Variants in CCDC178 observed in about 807,000 individuals in gnomAD.
CCDC178 encodes the protein coiled-coil domain-containing protein 178.
Under a neutral mutation model 117.4 loss-of-function variants are expected in CCDC178, and 126 were observed. The observed-to-expected ratio is 1.07, with a 90% CI of 0.93 to 1.24. The LOEUF (loss-of-function observed/expected upper bound fraction) is 1.24. CCDC178 is among the 50% of genes most tolerant of loss of function. CCDC178 has a pLI of 0.00. For synonymous variants in CCDC178, 283 were observed against 313.4 expected, an observed-to-expected ratio of 0.90 and a Z score of 1.02; for missense variants, 1,030 against 986.9, an observed-to-expected ratio of 1.04 and a Z score of -0.59.
At chr18:33,096,118 C>A (rs972041655) in intron 20 of CCDC178, among the ~76,000 whole-genome samples, 1 of 149,780 alleles carries the variant, frequency 6.7e-6, no homozygotes, top group East Asian at 2.0e-4. Flanking sequence ...TACTCCCCAC[C>A]CCCCCCACTT....
chr18:33,414,638 T>G (rs1053132652), intron 2 of CCDC178, among the ~76,000 whole-genome samples: 3 of 152,116 alleles, frequency 2.0e-5, no homozygotes, highest in East Asian at 1.9e-4. Context: ...ACATAGGCAT[T>G]GGCAAGGACT....
intron 21 of CCDC178, among the ~76,000 whole-genome samples, chr18:33,057,580 C>T (rs889484509): frequency 1.3e-5 from 2 of 152,140 alleles, no homozygotes; most frequent in Non-Finnish European, 2.9e-5. Flanking sequence ...CAACCTCTGC[C>T]TCCTGGGTTC....
chr18:33,151,712 A>AT (rs1422573562), intron 20 of CCDC178, among the ~76,000 whole-genome samples: 2 of 152,188 alleles, frequency 1.3e-5, no homozygotes, highest in African/African-American at 4.8e-5. Flanking sequence ...TCAAATCGGG[A>AT]TAATAATATT....
intron 21 of CCDC178, among the ~76,000 whole-genome samples, chr18:33,039,204 T>A (rs2056501447): frequency 6.6e-6 from 1 of 152,026 alleles, no homozygotes; most frequent in African/African-American, 2.4e-5. Context: ...GAGGTGATAT[T>A]GAGAAATATT....
At chr18:33,179,995 A>G (rs562486799) in intron 20 of CCDC178, among the ~76,000 whole-genome samples, 23 of 152,070 alleles carry the variant, frequency 1.5e-4, no homozygotes, top group Admixed American at 1.3e-3. Flanking sequence ...TATAACACCA[A>G]ATTATGGGAC....
intron 14 of CCDC178, among the ~76,000 whole-genome samples, chr18:33,250,850 C>T (rs1411442349): frequency 4.0e-5 from 6 of 151,514 alleles, no homozygotes; most frequent in African/African-American, 1.5e-4. Context: ...CACATAGCTA[C>T]AAACAAAATT....
intron 20 of CCDC178, among the ~76,000 whole-genome samples, chr18:33,180,271 A>G (rs1159719937): frequency 6.6e-6 from 1 of 151,840 alleles, no homozygotes; most frequent in Non-Finnish European, 1.5e-5. Flanking sequence ...ATGTATAACT[A>G]AGTCCTTCTT....
At chr18:33,048,072 A>G (rs528468993) in intron 21 of CCDC178, among the ~76,000 whole-genome samples, 2 of 152,300 alleles carry the variant, frequency 1.3e-5, no homozygotes, top group African/African-American at 4.8e-5. Flanking sequence ...AAGGTAATCA[A>G]GTTAAAATTA....
rs149902051 is a variant in CCDC178 at position 32,995,462 on chromosome 18, C to G, written c.2389-20781G>C. On this transcript the variant is annotated intron_variant, in intron 21 of 22. Coordinates refer to ENST00000383096, the MANE Select transcript of CCDC178 (RefSeq NM_001105528.4). ...ACAACATGAAATAGTATTTCACCAACTAATTTACATCAGATTTATTAAAGC... is the reference window on the plus strand; with the variant it reads ...ACAACATGAAATAGTATTTCACCAAGTAATTTACATCAGATTTATTAAAGC... 4.3e-3 allele frequency among the ~76,000 whole-genome samples: 660 copies of G among 152,192 alleles called. 8 individuals carry two copies. Among genetic ancestry groups the G allele is most frequent in the African/African-American group, 0.015 (631 of 41,538 alleles).
intron 21 of CCDC178, among the ~76,000 whole-genome samples, chr18:33,070,069 T>C (rs1007811155): frequency 3.9e-5 from 6 of 152,060 alleles, no homozygotes; most frequent in Admixed American, 6.6e-5. Flanking sequence ...TTATACAATG[T>C]TGGTAGAAAT....
chr18:32,993,517 A>T (rs79617494), intron 21 of CCDC178, among the ~76,000 whole-genome samples: 2 of 152,330 alleles, frequency 1.3e-5, no homozygotes, highest in East Asian at 3.9e-4. Context: ...CCACTTCAAT[A>T]AATGTTGCTG....
chr18:33,212,111 T>C (rs1042207464), intron 19 of CCDC178, 56 bp from the exon 20 acceptor site: 4 of 1,340,366 alleles, frequency 3.0e-6, no homozygotes, highest in Non-Finnish European at 2.0e-6. Flanking sequence ...TTTTTCAAAA[T>C]GCATTTATGA....
intron 20 of CCDC178, among the ~76,000 whole-genome samples, chr18:33,166,456 C>A (rs535610637): frequency 6.6e-6 from 1 of 152,078 alleles, no homozygotes; most frequent in South Asian, 2.1e-4. Flanking sequence ...CACTAGATTC[C>A]AACTCTGATC....
intron 22 of CCDC178, among the ~76,000 whole-genome samples, chr18:32,974,279 GA>G (rs1215561315): frequency 7.9e-5 from 12 of 151,626 alleles, no homozygotes; most frequent in African/African-American, 2.9e-4. Context: ...CTGAAGATTT[GA>G]AAAAAAATTA....
At chr18:33,287,045 C>A (rs2060106257) in intron 12 of CCDC178, among the ~76,000 whole-genome samples, 1 of 150,666 alleles carries the variant, frequency 6.6e-6, no homozygotes, top group Admixed American at 6.7e-5. Flanking sequence ...CTAACAAAGG[C>A]CATTGTTTTT....
chr18:33,030,659 TGATA>T (rs1355253877), intron 21 of CCDC178, among the ~76,000 whole-genome samples: 1 of 149,622 alleles, frequency 6.7e-6, no homozygotes, highest in African/African-American at 2.5e-5. Flanking sequence ...AGATGATAGA[TGATA>T]GATAAGAAGG....
intron 20 of CCDC178, among the ~76,000 whole-genome samples, chr18:33,141,182 G>C (rs1016313953): frequency 1.8e-4 from 28 of 152,086 alleles, no homozygotes; most frequent in African/African-American, 6.0e-4. Flanking sequence ...CATGAAAACA[G>C]ACTAATACAT....
intron 21 of CCDC178, among the ~76,000 whole-genome samples, chr18:33,039,929 G>A (rs2056516750): frequency 6.6e-6 from 1 of 151,662 alleles, no homozygotes; most frequent in Non-Finnish European, 1.5e-5. Context: ...TACAATTGCT[G>A]ACTTAATAAG....
chr18:33,096,158 C>G (rs2057539611), intron 20 of CCDC178, among the ~76,000 whole-genome samples: 1 of 146,086 alleles, frequency 6.8e-6, no homozygotes, highest in Non-Finnish European at 1.5e-5. Context: ...GCCATAGATT[C>G]CACTTGGACT....
Sources: gnomAD v4.1 joint callset for allele counts (sites outside exome capture counted in the v4.1 genomes callset) on GRCh38, gnomAD v4.1.1 for gene constraint, MANE v1.5 for transcripts, NCBI Gene and HGNC (gene_info 2026-07-23, HGNC 2026-07-21) for gene names.